Variants in PRKN observed in about 807,000 individuals in gnomAD.
PRKN encodes the protein E3 ubiquitin-protein ligase parkin.
Under a neutral mutation model 59.5 loss-of-function variants are expected in PRKN, and 56 were observed. The observed-to-expected ratio is 0.94, with a 90% CI of 0.76 to 1.18. The LOEUF is 1.18. Ranked by LOEUF, PRKN falls within the 50% of genes most tolerant of loss-of-function variation. The probability of loss-of-function intolerance (pLI) is 0.00; values close to 1 mark genes in which losing one functional copy is unlikely to be tolerated. For missense variants in PRKN, 657 were observed against 596.4 expected (o/e 1.10, Z -1.06); for synonymous variants, 250 against 222.1 (o/e 1.13, Z -1.12).
chr6:162,197,679 T>A (rs1425216852), intron 4 of PRKN, among the ~76,000 whole-genome samples: 3 of 152,114 alleles, frequency 2.0e-5, no homozygotes, highest in African/African-American at 7.2e-5. Context: ...GTAAAAACAC[T>A]GGATGAGAAT....
At chr6:162,605,334 T>A (rs1487996431) in intron 1 of PRKN, among the ~76,000 whole-genome samples, 1 of 152,134 alleles carries the variant, frequency 6.6e-6, no homozygotes, top group Non-Finnish European at 1.5e-5. Context: ...AGAGAAAATT[T>A]ATTCAAATTA....
At chr6:162,292,333 C>T (rs183067598) in intron 2 of PRKN, among the ~76,000 whole-genome samples, 61 of 152,258 alleles carry the variant, frequency 4.0e-4, no homozygotes, top group Admixed American at 4.0e-3. Flanking sequence ...ACCAGAGATG[C>T]AACACCATAA....
Position 161,547,858 on chromosome 6 carries a change from T to A in PRKN, c.1083+996A>T, listed in dbSNP as rs79475350. ...CTTTCCACTTAGGCACCATGGTATC[T>A]CATTATTTTTCAACTTCCACTTCCT... On this transcript the variant is annotated intron_variant, in intron 9 of 11. Coordinates refer to ENST00000366898, the MANE Select transcript of PRKN (RefSeq NM_004562.3). This position sits in a 1 kb window ranked among gnomAD's most constrained non-coding sequence, Gnocchi z 4.0. Among the ~76,000 whole-genome samples the A allele has an allele frequency of 5.7e-4, 87 of 152,278 alleles. No homozygotes were observed. The highest frequency in any genetic ancestry group is 1.9e-3 in the African/African-American group (79 of 41,566).
chr6:161,537,133 TTC>T (rs1779443361), intron 9 of PRKN, among the ~76,000 whole-genome samples: 1 of 152,098 alleles, frequency 6.6e-6, no homozygotes, highest in Admixed American at 6.5e-5. Context: ...TGATTTAGAT[TTC>T]TTTCTTTCCA....
intron 3 of PRKN, among the ~76,000 whole-genome samples, chr6:162,231,368 T>G (rs973623836): frequency 6.6e-6 from 1 of 152,248 alleles, no homozygotes; most frequent in Non-Finnish European, 1.5e-5. Flanking sequence ...TTTCAGAGAA[T>G]GTGAAGTTCA....
chr6:161,381,321 C>G (rs1302545043), intron 10 of PRKN, among the ~76,000 whole-genome samples: 1 of 152,158 alleles, frequency 6.6e-6, no homozygotes, highest in Non-Finnish European at 1.5e-5. Flanking sequence ...GCTGGTGCAG[C>G]TCCCAAAGAC....
intron 5 of PRKN, among the ~76,000 whole-genome samples, chr6:162,021,423 C>G (rs1783181995): frequency 7.4e-6 from 1 of 135,050 alleles, no homozygotes; most frequent in Admixed American, 8.1e-5. Flanking sequence ...TTTTTGATGT[C>G]CCGGCATTAC....
At chr6:162,100,475 G>C (rs1779921842) in intron 4 of PRKN, among the ~76,000 whole-genome samples, 4 of 146,796 alleles carry the variant, frequency 2.7e-5, no homozygotes, top group Non-Finnish European at 3.0e-5. Flanking sequence ...TTTTAAGATA[G>C]ATGTCGCTTT....
chr6:162,448,571 G>A (rs1408294436), intron 1 of PRKN, among the ~76,000 whole-genome samples: 2 of 151,958 alleles, frequency 1.3e-5, no homozygotes, highest in Non-Finnish European at 1.5e-5. Flanking sequence ...CTTGGCACCC[G>A]CCAGAGAAAC....
intron 2 of PRKN, among the ~76,000 whole-genome samples, chr6:162,423,058 A>G (rs573864710): frequency 3.3e-5 from 5 of 152,080 alleles, no homozygotes; most frequent in African/African-American, 4.8e-5. Flanking sequence ...TCTATAGTAC[A>G]TATTAATATT....
At chr6:162,372,819 G>A (rs1785845993) in intron 2 of PRKN, among the ~76,000 whole-genome samples, 3 of 152,142 alleles carry the variant, frequency 2.0e-5, no homozygotes, top group African/African-American at 7.2e-5. Flanking sequence ...TGACACTAAA[G>A]CCCGTGTATC....
intron 9 of PRKN, among the ~76,000 whole-genome samples, chr6:161,477,277 G>A (rs1791134280): frequency 6.6e-6 from 1 of 152,196 alleles, no homozygotes; most frequent in Non-Finnish European, 1.5e-5. Context: ...CAGCACTTTG[G>A]GAGGCCCAGG....
At chr6:162,725,115 G>C (rs115503659) in intron 1 of PRKN, among the ~76,000 whole-genome samples, 1,808 of 152,312 alleles carry the variant, frequency 0.012, 40 homozygotes, top group African/African-American at 0.041. Flanking sequence ...ATGTGAGTCA[G>C]CTGGGCCTGA....
At chr6:162,479,405 T>G (rs754712245) in intron 1 of PRKN, among the ~76,000 whole-genome samples, 7 of 152,036 alleles carry the variant, frequency 4.6e-5, no homozygotes, top group Non-Finnish European at 8.8e-5. Flanking sequence ...TTTTTTGTAT[T>G]TTTAGTAGAG....
intron 9 of PRKN, among the ~76,000 whole-genome samples, chr6:161,432,323 T>C (rs1239691214): frequency 1.3e-5 from 2 of 151,954 alleles, no homozygotes; most frequent in Non-Finnish European, 2.9e-5. Flanking sequence ...CATGTTAGCA[T>C]ATTTTTACAT....
At chr6:161,895,259 C>T (rs562315617) in intron 6 of PRKN, among the ~76,000 whole-genome samples, 3 of 152,324 alleles carry the variant, frequency 2.0e-5, no homozygotes, top group African/African-American at 7.2e-5. Flanking sequence ...CAGGAAATTT[C>T]TCTCTTTTCC....
intron 6 of PRKN, among the ~76,000 whole-genome samples, chr6:161,907,769 G>A (rs913106019): frequency 5.3e-5 from 8 of 152,170 alleles, no homozygotes; most frequent in Non-Finnish European, 8.8e-5. Flanking sequence ...TAAGAAGGCT[G>A]CAATTATTAG....
chr6:161,633,332 G>A (rs574800952), intron 7 of PRKN, among the ~76,000 whole-genome samples: 166 of 152,180 alleles, frequency 1.1e-3, no homozygotes, highest in African/African-American at 3.4e-3. Context: ...CCTTCCAATT[G>A]AGGATGTTAT....
At chr6:162,319,840 T>G (rs934804557) in intron 2 of PRKN, among the ~76,000 whole-genome samples, 12 of 151,932 alleles carry the variant, frequency 7.9e-5, no homozygotes. Context: ...TCAGCATGCT[T>G]ATTTTTCAAC....
Sources: gnomAD v4.1 joint callset for allele counts (sites outside exome capture counted in the v4.1 genomes callset) on GRCh38, gnomAD v4.1.1 for gene constraint, Gnocchi (gnomAD v3.1) non-coding constraint, MANE v1.5 for transcripts, NCBI Gene and HGNC (gene_info 2026-07-23, HGNC 2026-07-21) for gene names.